NRAP: variants seen among roughly 807,000 people sequenced by gnomAD.
NRAP encodes the protein nebulin-related-anchoring protein.
A neutral mutation model predicts 225.9 loss-of-function variants in NRAP; 189 were observed. That is an observed-to-expected ratio of 0.84 (90% CI 0.74 to 0.94). NRAP has a LOEUF of 0.94. Among genes scored for constraint, NRAP ranks in the 40% least tolerant of loss-of-function variants. The pLI, the probability that NRAP is intolerant of heterozygous loss-of-function variation, is 0.00. For missense variants in NRAP, 2,176 were observed against 2,168.7 expected (o/e 1.00, Z -0.07); for synonymous variants, 769 against 790.7 (o/e 0.97, Z 0.46).
Position 113,598,081 on chromosome 10 carries a change from G to GA in NRAP, c.4228-9dup, listed in dbSNP as rs759341441. The GA allele has an allele frequency of 3.8e-6, 6 of 1,593,750 alleles. No individual in the cohort carries two copies. The highest frequency in any genetic ancestry group is 1.3e-5 in the African/African-American group (1 of 74,428). On this transcript the variant is annotated splice_polypyrimidine_tract_variant and intron_variant, in intron 35 of 41. Transcript: ENST00000359988. The stretch of plus-strand genomic sequence containing the variant: ...GTCTGACTTGTAGCGCAACTGCAGG[G>GA]AAAAAAATCATGGGCTTTATCAGGA...
intron 14 of NRAP, among the ~76,000 whole-genome samples, chr10:113,637,667 T>TA (rs1195998920): frequency 6.6e-6 from 1 of 152,218 alleles, no homozygotes; most frequent in East Asian, 1.9e-4. Context: ...CTCACGCCTG[T>TA]AATCCCAGCA....
At position 113,614,229 on chromosome 10, in the gene NRAP, T is replaced by A; in HGVS notation, c.3254A>T (p.Asp1085Val). Residue 1085 changes from aspartate to valine, a missense_variant, in exon 29 of 42, where the codon GAT becomes GTT. Coordinates refer to ENST00000359988, the MANE Select transcript of NRAP (RefSeq NM_198060.4). ...ATACACTGAATGTGCAAGGCTGATA[T>A]CATCTTCCAAGCTCCGGGAACCAAG... ...QMLGSRSLED[D>V]ISLAHSVYAT... is the part of the protein sequence containing the mutation. 3.1e-6 allele frequency: 5 copies of A among 1,614,104 alleles called. No homozygotes were observed. Among genetic ancestry groups the A allele is most frequent in the Non-Finnish European group, 4.2e-6 (5 of 1,179,946 alleles).
At position 113,634,102 on chromosome 10, in the gene NRAP, A is replaced by G; in HGVS notation, c.1527+10T>C. The G allele has an allele frequency of 1.9e-6, 3 of 1,593,636 alleles. No homozygotes were observed. Among genetic ancestry groups the G allele is most frequent in the Non-Finnish European group, 2.6e-6 (3 of 1,161,312 alleles). On this transcript the variant is annotated intron_variant, in intron 15 of 41. Transcript: ENST00000359988. ...CCCCTACATCCAGCTGGGCAGGGACAGTTACTTACATGACTCAGCTGCTGG... is the reference window on the plus strand; with the variant it reads ...CCCCTACATCCAGCTGGGCAGGGACGGTTACTTACATGACTCAGCTGCTGG...
chr10:113,600,338 AT>A (rs139238791), intron 35 of NRAP, among the ~76,000 whole-genome samples: 5 of 150,558 alleles, frequency 3.3e-5, no homozygotes, highest in South Asian at 2.1e-4. Context: ...CAACTGCCTC[AT>A]TTTTTTTTAT....
At chr10:113,589,577 G>A (rs1845821022) in intron 41 of NRAP, 89 bp downstream of exon 41, 2 of 1,489,412 alleles carry the variant, frequency 1.3e-6, no homozygotes, top group African/African-American at 2.8e-5. Flanking sequence ...GCTGACCTTT[G>A]GCCAAAAATA....
At chr10:113,639,369 A>AAG (rs985855056) in intron 14 of NRAP, among the ~76,000 whole-genome samples, 4 of 152,084 alleles carry the variant, frequency 2.6e-5, no homozygotes, top group Non-Finnish European at 4.4e-5. Context: ...AACTCTGAGC[A>AAG]AGAGAGAGAG....
chr10:113,663,951 G>A lies in NRAP; in HGVS notation c.-69C>T, dbSNP rs1850861006. 1 of 1,187,878 alleles carries A rather than the reference G, an allele frequency of 8.4e-7. No individual in the cohort carries two copies. Among genetic ancestry groups the A allele is most frequent in the African/African-American group, 1.5e-5 (1 of 66,472 alleles). The allele number at this position is 1,187,878 out of a possible 1,614,324, so 73.6% of individuals were successfully genotyped here. On this transcript the variant is annotated 5_prime_UTR_variant, in exon 1 of 42. Coordinates refer to ENST00000359988, the MANE Select transcript of NRAP (RefSeq NM_198060.4). Reference sequence around the variant, plus strand: ...AAATGCAAGGAGAACCCCCAGTCTAGTTCAAGTCTTCAAAATCCGACGACC... The same window carrying A: ...AAATGCAAGGAGAACCCCCAGTCTAATTCAAGTCTTCAAAATCCGACGACC...
At chr10:113,629,148 A>G (rs1848439153) in intron 19 of NRAP, 127 bp from the exon 20 acceptor site, 2 of 724,970 alleles carry the variant, frequency 2.8e-6, no homozygotes, top group Admixed American at 4.1e-5. Flanking sequence ...CTGCTCCTTT[A>G]TGGTCAGGCA....
At chr10:113,659,545 GGGACCTTTCGTGAGATTC>G (rs1850532254) in intron 3 of NRAP, among the ~76,000 whole-genome samples, 1 of 152,106 alleles carries the variant, frequency 6.6e-6, no homozygotes, top group Non-Finnish European at 1.5e-5. Flanking sequence ...GCCTCCCCTA[GGGACCTTTCGTGAGATTC>G]AGGATTACAC....
rs549719819 is a variant in NRAP, at chr10:113,589,135, G to A, written c.5089-56C>T. ...ATGAAGCTCCCCCACCCCCACTCCC[G>A]GCCCCGGTTCCCACAGGACACGCTA... is the stretch of plus-strand genomic sequence containing the variant. On this transcript the variant is annotated intron_variant, in intron 41 of 41. Transcript: ENST00000359988. 4.6e-5 allele frequency: 66 copies of A among 1,440,092 alleles called. 1 individual carries two copies. Among genetic ancestry groups the A allele is most frequent in the South Asian group, 2.6e-4 (22 of 85,464 alleles). The allele number at this position is 1,440,092 out of a possible 1,614,324, so 89.2% of individuals were successfully genotyped here. A position where few individuals can be genotyped will look rare whatever the true frequency, so the allele number is the denominator to read the frequency against.
intron 32 of NRAP, among the ~76,000 whole-genome samples, chr10:113,607,398 TCAAAAAAAAAAA>T (rs1564708800): frequency 5.5e-5 from 1 of 18,282 alleles, no homozygotes; most frequent in African/African-American, 3.0e-4. Context: ...CGAAACTCCG[TCAAAAAAAAAAA>T]AAAAAAAAAA....
intron 31 of NRAP, 149 bp from the exon 32 acceptor site, chr10:113,608,661 G>A: frequency 1.6e-6 from 1 of 618,770 alleles, no homozygotes; most frequent in Non-Finnish European, 2.9e-6. Flanking sequence ...ACCTGCCTTT[G>A]TGACCCCAAA....
At chr10:113,597,002 TC>T (rs1564697005) in intron 37 of NRAP, 83 bp downstream of exon 37, 11 of 898,262 alleles carry the variant, frequency 1.2e-5, no homozygotes, top group African/African-American at 1.6e-5. Flanking sequence ...CCCCCATCTG[TC>T]CAGAGCCTGT....
At chr10:113,614,332 A>G in intron 28 of NRAP, 36 bp from the exon 29 acceptor site, 3 of 1,351,354 alleles carry the variant, frequency 2.2e-6, no homozygotes, top group Admixed American at 1.7e-5. Flanking sequence ...GGAACAGCTC[A>G]GGGATAAGGG....
intron 36 of NRAP, 114 bp downstream of exon 36, chr10:113,597,855 G>A (rs1484830805): frequency 2.6e-6 from 2 of 769,786 alleles, no homozygotes; most frequent in African/African-American, 3.4e-5. Flanking sequence ...AAAAATACTG[G>A]GAGTCCAGTG....
chr10:113,643,518 A>C (rs1849328984), intron 11 of NRAP, among the ~76,000 whole-genome samples: 1 of 152,234 alleles, frequency 6.6e-6, no homozygotes, highest in African/African-American at 2.4e-5. Context: ...GGTATACTTC[A>C]ATGCAATTCA....
At chr10:113,658,223 G>A (rs1254450018) in intron 3 of NRAP, among the ~76,000 whole-genome samples, 2 of 152,076 alleles carry the variant, frequency 1.3e-5, no homozygotes, top group African/African-American at 4.8e-5. Flanking sequence ...CTCTCTTCTT[G>A]TGCCAATTCT....
rs200078700 is a variant in NRAP, at chr10:113,663,811, C to G, written c.72G>C (p.Gln24His). The change falls in exon 1 of 42, where the codon CAG (glutamine) becomes CAC (histidine). Residue 24 changes from glutamine (Q) to histidine (H), a missense_variant and splice_region_variant. Gln to His is a conservative substitution (Grantham distance 24). Around this residue, in one of 3 missense-constraint regions of NRAP, gnomAD observed 1,708 missense variants for 1,695.5 expected, o/e 1.01. Transcript: ENST00000359988. ...CAAAAGCCAAGAAATGTCTACTGAC[C>G]TGATCTATACAGCTGATCTTCTCGG... is the stretch of plus-strand genomic sequence containing the variant. ...YPAEKISCID[Q>H]IWHKACFHCE... 99 of 1,610,642 alleles carry G rather than the reference C, an allele frequency of 6.1e-5. No individual in the cohort carries two copies. The highest frequency in any genetic ancestry group is 1.2e-5 in the Non-Finnish European group (14 of 1,176,990).
At chr10:113,654,317 G>A (rs1463142399) in intron 4 of NRAP, among the ~76,000 whole-genome samples, 192 bp from the exon 5 acceptor site, 1 of 152,112 alleles carries the variant, frequency 6.6e-6, no homozygotes, top group Non-Finnish European at 1.5e-5. Flanking sequence ...TGAACTTTCT[G>A]AGAACCACTT....
Sources: allele counts gnomAD v4.1 joint callset (sites outside exome capture counted in the v4.1 genomes callset), GRCh38; gene constraint gnomAD v4.1.1; regional missense constraint gnomAD v4.1.1; transcripts MANE v1.5; gene names NCBI Gene and HGNC (gene_info 2026-07-23, HGNC 2026-07-21).